The following NRXN3 variants were observed in gnomAD, a reference collection of about 807,000 sequenced individuals.
NRXN3 encodes the protein neurexin III.
A neutral mutation model predicts 137.6 loss-of-function variants in NRXN3; 32 were observed. That is an observed-to-expected ratio of 0.23 (90% confidence interval 0.18 to 0.31). The LOEUF (loss-of-function observed/expected upper bound fraction) is 0.31, where lower values mean the gene tolerates loss of function less well. NRXN3 is among the 10% of genes least tolerant of loss of function. NRXN3 has a pLI of 1.00. For missense variants in NRXN3, 1,574 were observed against 2,062.5 expected, an observed-to-expected ratio of 0.76 and a Z score of 4.59; for synonymous variants, 798 against 784.5, an observed-to-expected ratio of 1.02 and a Z score of -0.29.
chr14:79,572,423 A>G (rs1314931839), intron 16 of NRXN3, among the ~76,000 whole-genome samples: 1 of 152,208 alleles, frequency 6.6e-6, no homozygotes, highest in Non-Finnish European at 1.5e-5. Flanking sequence ...TTTAATTCCC[A>G]TCACTTTCAT....
intron 15 of NRXN3, among the ~76,000 whole-genome samples, chr14:79,362,128 TTTTTA>T (rs966460000): frequency 6.7e-6 from 1 of 150,336 alleles, no homozygotes; most frequent in Non-Finnish European, 1.5e-5. Flanking sequence ...CCCAGCTAAT[TTTTTA>T]TTTTATTTTA....
Position 79,212,856 on chromosome 14 carries a change from A to G in NRXN3, c.3262+224715A>G, listed in dbSNP as rs147136532. Among the ~76,000 whole-genome samples, 509 of 151,164 alleles carry G rather than the reference A, an allele frequency of 3.4e-3. 1 individual carries two copies. Among genetic ancestry groups the G allele is most frequent in the African/African-American group, 0.011 (456 of 41,312 alleles). ...ATACAACATTCTCCAAATTTGTTTG[A>G]CCTTGGAATGCTTTTTTTTTTTTAG... On this transcript the variant is annotated intron_variant, in intron 15 of 20. Transcript: ENST00000335750.
chr14:78,966,503 C>A, intron 12 of NRXN3, 97 bp downstream of exon 12: 3 of 1,274,298 alleles, frequency 2.4e-6, no homozygotes, highest in Non-Finnish European at 3.3e-6. Context: ...ATTCTACTCC[C>A]TACCCTCCAT....
chr14:79,118,909 C>T (rs911256350), intron 15 of NRXN3, among the ~76,000 whole-genome samples: 3 of 152,118 alleles, frequency 2.0e-5, no homozygotes, highest in East Asian at 1.9e-4. Flanking sequence ...AAGAGAGACA[C>T]GACAAAATTG....
intron 16 of NRXN3, among the ~76,000 whole-genome samples, chr14:79,594,788 A>G (rs1043859358): frequency 4.6e-5 from 7 of 152,184 alleles, no homozygotes; most frequent in African/African-American, 1.4e-4. Context: ...GGGGGTTTGC[A>G]TAACAAATGA....
intron 15 of NRXN3, among the ~76,000 whole-genome samples, chr14:79,228,120 T>A (rs547016728): frequency 5.3e-5 from 8 of 152,268 alleles, no homozygotes; most frequent in Admixed American, 2.6e-4. Context: ...ATTTGCCTGT[T>A]AGCTGAGGAC....
chr14:79,156,155 C>T (rs10133147), intron 15 of NRXN3, among the ~76,000 whole-genome samples: 6 of 151,752 alleles, frequency 4.0e-5, no homozygotes, highest in Admixed American at 6.6e-5. Flanking sequence ...GTGCTTTACA[C>T]GGATACTCTA....
intron 8 of NRXN3, among the ~76,000 whole-genome samples, chr14:78,766,215 A>T (rs529918705): frequency 6.6e-6 from 1 of 152,284 alleles, no homozygotes; most frequent in East Asian, 1.9e-4. Flanking sequence ...CTTTACCTTG[A>T]GTAGCTTCTT....
intron 16 of NRXN3, among the ~76,000 whole-genome samples, chr14:79,597,240 A>C (rs1007827750): frequency 6.6e-6 from 1 of 152,170 alleles, no homozygotes; most frequent in African/African-American, 2.4e-5. Flanking sequence ...CTAGCAGAAA[A>C]ATTATTTTTC....
intron 4 of NRXN3, among the ~76,000 whole-genome samples, chr14:78,409,577 A>G (rs910423714): frequency 2.1e-4 from 32 of 152,208 alleles, no homozygotes; most frequent in African/African-American, 7.7e-4. Flanking sequence ...ACCTCTTGAT[A>G]TGAATTTAGC....
At chr14:79,148,479 T>C (rs2059506995) in intron 15 of NRXN3, among the ~76,000 whole-genome samples, 1 of 152,156 alleles carries the variant, frequency 6.6e-6, no homozygotes, top group African/African-American at 2.4e-5. Flanking sequence ...CTATAGGCCC[T>C]CATGAGCCTG....
At chr14:78,609,957 G>A (rs1401799489) in intron 4 of NRXN3, among the ~76,000 whole-genome samples, 1 of 151,860 alleles carries the variant, frequency 6.6e-6, no homozygotes, top group African/African-American at 2.4e-5. Flanking sequence ...CCTTGAAGAA[G>A]TGAATTCACA....
intron 2 of NRXN3, among the ~76,000 whole-genome samples, chr14:78,258,212 G>C (rs1171027369): frequency 6.6e-6 from 1 of 152,134 alleles, no homozygotes; most frequent in Non-Finnish European, 1.5e-5. Context: ...GTGAATGTTA[G>C]CCATTATTGT....
intron 15 of NRXN3, among the ~76,000 whole-genome samples, chr14:79,104,456 C>T (rs1473440332): frequency 1.3e-5 from 2 of 152,188 alleles, no homozygotes; most frequent in Non-Finnish European, 2.9e-5. Flanking sequence ...CACTCGTTCT[C>T]TTCTATGATA....
chr14:78,591,070 A>AGGGGTTAATTTAAT (rs1358616973), intron 4 of NRXN3, among the ~76,000 whole-genome samples: 1 of 152,158 alleles, frequency 6.6e-6, no homozygotes, highest in Non-Finnish European at 1.5e-5. Flanking sequence ...TAATTATCCC[A>AGGGGTTAATTTAAT]TGCCTTGGTG....
At chr14:79,808,272 ATATGTATG>A (rs1555750786) in intron 20 of NRXN3, among the ~76,000 whole-genome samples, 1 of 145,498 alleles carries the variant, frequency 6.9e-6, no homozygotes, top group Non-Finnish European at 1.5e-5. Context: ...ATATATATAT[ATATGTATG>A]TATGTATGTA....
At chr14:78,351,531 T>C (rs1020985591) in intron 4 of NRXN3, among the ~76,000 whole-genome samples, 21 of 152,172 alleles carry the variant, frequency 1.4e-4, no homozygotes, top group African/African-American at 5.1e-4. Context: ...ATGTGGGTGA[T>C]TTTTCTTTGC....
At chr14:79,273,125 T>A (rs571167899) in intron 15 of NRXN3, among the ~76,000 whole-genome samples, 31 of 123,008 alleles carry the variant, frequency 2.5e-4, no homozygotes, top group African/African-American at 9.9e-4. Context: ...TGAGCAGAGA[T>A]CACGCCACTG....
chr14:79,359,702 C>T (rs929336104), intron 15 of NRXN3, among the ~76,000 whole-genome samples: 4 of 151,640 alleles, frequency 2.6e-5, no homozygotes, highest in African/African-American at 9.7e-5. Flanking sequence ...TCCCAAGTAG[C>T]TGGGATTACC....
Sources: gnomAD v4.1 joint callset for allele counts (sites outside exome capture counted in the v4.1 genomes callset) on GRCh38, gnomAD v4.1.1 for gene constraint, MANE v1.5 for transcripts, NCBI Gene and HGNC (gene_info 2026-07-23, HGNC 2026-07-21) for gene names.